Variants in MRTFB observed in about 807,000 individuals in gnomAD.
The protein encoded by MRTFB is myocardin-related transcription factor B.
A neutral mutation model predicts 104.2 loss-of-function variants in MRTFB; 29 were observed. That is an observed-to-expected ratio of 0.28 (90% confidence interval 0.21 to 0.38). MRTFB has a LOEUF of 0.38. MRTFB is among the 10% of genes least tolerant of loss of function. MRTFB has a pLI of 1.00. For synonymous variants in MRTFB, 535 were observed against 519.5 expected (o/e 1.03, Z -0.41); for missense variants, 1,270 against 1,341.6 (o/e 0.95, Z 0.83).
chr16:14,033,836 A>T, the MRTFB span, among the ~76,000 whole-genome samples: 1 of 33,626 alleles, frequency 3.0e-5, no homozygotes, highest in Non-Finnish European at 1.6e-4. Flanking sequence ...ACTCAGTCTC[A>T]AAAAAAAAAA....
intron 3 of MRTFB, among the ~76,000 whole-genome samples, chr16:14,164,561 A>G (rs1047893205): frequency 3.3e-5 from 5 of 152,184 alleles, no homozygotes; most frequent in African/African-American, 9.7e-5. Context: ...GTGCTGCCTT[A>G]AACATGGCAG....
chr16:14,222,508 C>A (rs2041778466), intron 8 of MRTFB, among the ~76,000 whole-genome samples: 1 of 151,788 alleles, frequency 6.6e-6, no homozygotes. Flanking sequence ...TCCAGTGTGG[C>A]CCAGGGAAGG....
chr16:14,200,188 T>C lies in MRTFB; in HGVS notation c.155-10055T>C. On this transcript the variant is annotated intron_variant, in intron 3 of 16. Transcript: ENST00000571589. ...CCCCCAAAATGAATGAGGATATTCA[T>C]TATAGCATTATTTGTAATAGCAAAA... is the stretch of plus-strand genomic sequence containing the variant. 4.3e-6 allele frequency: 4 copies of C among 923,950 alleles called. 1 individual carries two copies. The South Asian group carries it at 7.0e-5, about 16-fold the overall frequency. 57.2% of individuals were successfully genotyped at this position (923,950 alleles called of 1,614,324 possible). A position where few individuals can be genotyped will look rare whatever the true frequency, so the allele number is the denominator to read the frequency against.
chr16:14,048,839 C>T, the MRTFB span, among the ~76,000 whole-genome samples: 17,381 of 152,136 alleles, frequency 0.11, 1,182 homozygotes, highest in East Asian at 0.32. Context: ...GGCTGGACTG[C>T]GTCCTGCTCA....
Position 14,247,261 on chromosome 16 carries a change from A to G in MRTFB, c.2001A>G (p.Thr667=). The change falls in exon 12 of 17, where the codon ACA becomes ACG. Residue 667 remains threonine (T), a synonymous_variant. Transcript: ENST00000571589. ...ASHAVGQPVS[T]GGQTLVAKKA... is the part of the protein sequence containing the mutation. The stretch of plus-strand genomic sequence containing the variant: ...ACGCTGTAGGCCAGCCCGTCTCTAC[A>G]GGTGGCCAGACCCTTGTTGCCAAAA... 1.2e-6 allele frequency: 2 copies of G among 1,614,204 alleles called. No homozygotes were observed. The highest frequency in any genetic ancestry group is 1.7e-6 in the Non-Finnish European group (2 of 1,180,044).
chr16:14,147,441 T>G (rs1309813034), intron 3 of MRTFB, among the ~76,000 whole-genome samples: 2 of 152,204 alleles, frequency 1.3e-5, no homozygotes, highest in Non-Finnish European at 2.9e-5. Flanking sequence ...TGTCTCCTAT[T>G]AGTATGTTTT....
chr16:14,099,959 C>T (rs965296114), intron 2 of MRTFB, among the ~76,000 whole-genome samples: 1 of 152,138 alleles, frequency 6.6e-6, no homozygotes, highest in African/African-American at 2.4e-5. Flanking sequence ...GCTGCTGTGC[C>T]CAGCCATTCT....
the MRTFB span, among the ~76,000 whole-genome samples, chr16:14,048,299 G>A: frequency 2.0e-5 from 3 of 152,186 alleles, no homozygotes; most frequent in Non-Finnish European, 2.9e-5. Flanking sequence ...AAATACAATG[G>A]AAGAAATCAA....
At position 14,140,747 on chromosome 16, in the gene MRTFB, C is replaced by T. The variant is rs79629931; in HGVS notation, c.141C>T (p.Asn47=). ...LQSSQNLPPL[N]ERKNVLQLRL... ...CCAGTCAAAACTTACCCCCTCTGAA[C>T]GAAAGGAAAAATGGTGAGTTCAGCA... Residue 47 remains asparagine (N), a synonymous_variant, in exon 3 of 17, where the codon AAC becomes AAT. Coordinates refer to ENST00000571589, the MANE Select transcript of MRTFB (RefSeq NM_001308142.2). The T allele has an allele frequency of 3.7e-3, 6,052 of 1,613,960 alleles. 13 individuals carry two copies. The highest frequency in any genetic ancestry group is 4.6e-3 in the Non-Finnish European group (5,469 of 1,179,984).
chr16:14,024,356 C>G, the MRTFB span, among the ~76,000 whole-genome samples: 1 of 152,230 alleles, frequency 6.6e-6, no homozygotes, highest in African/African-American at 2.4e-5. Flanking sequence ...CTCCTTTGGA[C>G]ACTGTATTTC....
At chr16:14,065,365 C>G in the MRTFB span, among the ~76,000 whole-genome samples, 1 of 152,144 alleles carries the variant, frequency 6.6e-6, no homozygotes, top group African/African-American at 2.4e-5. Context: ...GGGGCTGAGA[C>G]TAAGGTTTTC....
At chr16:14,051,704 A>G in the MRTFB span, among the ~76,000 whole-genome samples, 1 of 152,154 alleles carries the variant, frequency 6.6e-6, no homozygotes, top group Non-Finnish European at 1.5e-5. Context: ...ATTCACAGAC[A>G]CACCAGGTCT....
At chr16:14,160,847 C>T (rs377665997) in intron 3 of MRTFB, among the ~76,000 whole-genome samples, 2 of 151,872 alleles carry the variant, frequency 1.3e-5, no homozygotes, top group Non-Finnish European at 2.9e-5. Context: ...GTTTTTGTGT[C>T]CTTTTGGCCC....
At chr16:14,060,964 G>C in the MRTFB span, among the ~76,000 whole-genome samples, 2 of 152,074 alleles carry the variant, frequency 1.3e-5, no homozygotes, top group African/African-American at 2.4e-5. Context: ...GGCTAACACA[G>C]TGAAACCCTG....
In MRTFB at chr16:14,223,016, A is replaced by G. The variant is rs1314000703; in HGVS notation, c.693+4018A>G. Among the ~76,000 whole-genome samples the G allele has an allele frequency of 1.1e-4, 16 of 151,568 alleles. No homozygotes were observed. In the East Asian group the frequency reaches 3.0e-3, roughly 28 times the overall value. ...GGCAACATAGCAAAATCCCATTTAA[A>G]AAAAACAAGGCAGGGTGCAGTGTCT... On this transcript the variant is annotated intron_variant, in intron 8 of 16. Coordinates refer to ENST00000571589, the MANE Select transcript of MRTFB (RefSeq NM_001308142.2).
intron 8 of MRTFB, among the ~76,000 whole-genome samples, chr16:14,219,664 A>G (rs1389683316): frequency 6.6e-6 from 1 of 152,248 alleles, no homozygotes; most frequent in Non-Finnish European, 1.5e-5. Flanking sequence ...GGGATTAAAA[A>G]TGCCCATTTT....
intron 8 of MRTFB, among the ~76,000 whole-genome samples, chr16:14,223,313 C>A (rs2041826365): frequency 6.6e-6 from 1 of 151,740 alleles, no homozygotes; most frequent in African/African-American, 2.4e-5. Context: ...CTACACACAC[C>A]CCCACAAAAA....
At chr16:14,191,335 C>T (rs1490366700) in intron 3 of MRTFB, among the ~76,000 whole-genome samples, 2 of 152,208 alleles carry the variant, frequency 1.3e-5, no homozygotes, top group Admixed American at 6.5e-5. Context: ...TTGCTCCTCT[C>T]GCTCCTGCCT....
intron 2 of MRTFB, among the ~76,000 whole-genome samples, chr16:14,118,699 C>CAT (rs1016283598): frequency 1.0e-4 from 15 of 150,742 alleles, no homozygotes; most frequent in East Asian, 6.0e-4. Context: ...TTGATATATA[C>CAT]ATATATATAT....
Sources: allele counts gnomAD v4.1 joint callset (sites outside exome capture counted in the v4.1 genomes callset), GRCh38; gene constraint gnomAD v4.1.1; transcripts MANE v1.5; gene names NCBI Gene and HGNC (gene_info 2026-07-23, HGNC 2026-07-21).